Variants in KIF21B observed in about 807,000 individuals in gnomAD.
KIF21B encodes kinesin-like protein KIF21B.
In KIF21B, 85 loss-of-function variants were observed where a neutral mutation model predicts 192.9. That is an observed-to-expected ratio of 0.44 (90% CI 0.37 to 0.53). The LOEUF is 0.53. Among genes scored for constraint, KIF21B ranks in the 20% least tolerant of loss-of-function variants. The pLI, the probability that KIF21B is intolerant of heterozygous loss-of-function variation, is 0.00. For missense variants in KIF21B, 1,716 were observed against 2,194.8 expected, an observed-to-expected ratio of 0.78 and a Z score of 4.36; for synonymous variants, 832 against 884.6, an observed-to-expected ratio of 0.94 and a Z score of 1.05.
intron 24 of KIF21B, 31 bp downstream of exon 24, chr1:200,988,265 C>T (rs769754369): frequency 3.1e-6 from 5 of 1,604,782 alleles, no homozygotes; most frequent in South Asian, 1.1e-5. Context: ...GGCCCTGCTG[C>T]ACCCACTGCC....
chr1:201,005,017 G>A, intron 5 of KIF21B, 84 bp from the exon 6 acceptor site: 2 of 1,468,832 alleles, frequency 1.4e-6, no homozygotes, highest in Non-Finnish European at 1.9e-6. Context: ...TCCGGGAGAG[G>A]CACGGTGGAC....
chr1:201,004,820 C>T lies in KIF21B; in HGVS notation c.846G>A (p.Arg282=), dbSNP rs140945427. 1.2e-6 allele frequency: 2 copies of T among 1,614,026 alleles called. No homozygotes were observed. Among genetic ancestry groups the T allele is most frequent in the African/African-American group, 1.3e-5 (1 of 74,926 alleles). The part of the protein sequence containing the change: ...VDLAGSERLK[R]TGATGERAKE... ...TGGCCCGCTCGCCAGTAGCCCCTGT[C>T]CGCTTCAGCCGCTCTGAGCCGGCCA... Residue 282 remains arginine, a synonymous_variant, in exon 6 of 35, where the codon CGG becomes CGA. Transcript: ENST00000461742.
In KIF21B at chr1:201,017,517, C is replaced by G. The variant is rs774387592; in HGVS notation, c.41+5826G>C. Among the ~76,000 whole-genome samples the G allele has an allele frequency of 5.9e-5, 9 of 152,340 alleles. 1 individual carries two copies. In the South Asian group the frequency reaches 1.9e-3, roughly 32 times the overall value. On this transcript the variant is annotated intron_variant, in intron 1 of 34. Transcript: ENST00000461742. This position sits in a 1 kb window ranked among gnomAD's most constrained non-coding sequence, Gnocchi z 4.1. Reference sequence around the variant, plus strand: ...CCATGACCTCCCCAGAGACAGGAGACGCTGCAGAGTCAGGCTTCGCCCAGA... The same window carrying G: ...CCATGACCTCCCCAGAGACAGGAGAGGCTGCAGAGTCAGGCTTCGCCCAGA...
chr1:201,005,915 G>T (rs1657792811), intron 3 of KIF21B, among the ~76,000 whole-genome samples: 1 of 152,046 alleles, frequency 6.6e-6, no homozygotes, highest in Non-Finnish European at 1.5e-5. Context: ...CATTCCCTAA[G>T]GAACCAGCAG....
chr1:201,004,646 T>C (rs1300201336), intron 6 of KIF21B, 120 bp downstream of exon 6: 3 of 1,329,280 alleles, frequency 2.3e-6, no homozygotes, highest in South Asian at 1.2e-5. Flanking sequence ...CGCCTGAGAG[T>C]GAAGGGCTAA....
intron 8 of KIF21B, 39 bp downstream of exon 8, chr1:201,003,544 GCTC>G (rs757000141): frequency 1.9e-6 from 3 of 1,601,914 alleles, no homozygotes; most frequent in Non-Finnish European, 2.6e-6. Context: ...TGGAGCACTA[GCTC>G]CAAGGGGAGT....
At chr1:200,974,635 C>G in intron 34 of KIF21B, 79 bp downstream of exon 34, 1 of 1,480,282 alleles carries the variant, frequency 6.8e-7, no homozygotes. Context: ...ACTGCAGGGC[C>G]CTGAGCCTCC....
At chr1:200,977,641 A>C (rs1655645474) in intron 30 of KIF21B, among the ~76,000 whole-genome samples, 1 of 151,648 alleles carries the variant, frequency 6.6e-6, no homozygotes, top group South Asian at 2.1e-4. Flanking sequence ...CAGTCATGAG[A>C]GTGGGTGTGA....
At position 200,975,822 on chromosome 1, in the gene KIF21B, T is replaced by C. The variant is rs527817612; in HGVS notation, c.4444-153A>G. Among the ~76,000 whole-genome samples the C allele has an allele frequency of 6.6e-6, 1 of 151,870 alleles. No individual in the cohort carries two copies. Among genetic ancestry groups the C allele is most frequent in the African/African-American group, 2.4e-5 (1 of 41,398 alleles). Reference sequence around the variant, plus strand: ...AGAGGAGCTTCCCAGCAGGCGAGGGTTCCTGGAGGTGGGGCTGCTCCTTCT... The same window carrying C: ...AGAGGAGCTTCCCAGCAGGCGAGGGCTCCTGGAGGTGGGGCTGCTCCTTCT... On this transcript the variant is annotated intron_variant, in intron 32 of 34. Coordinates refer to ENST00000461742, the MANE Select transcript of KIF21B (RefSeq NM_001252102.2). This position sits in a 1 kb window ranked among gnomAD's most constrained non-coding sequence, Gnocchi z 4.3.
In KIF21B at chr1:200,999,744, T is replaced by A; in HGVS notation, c.1767+139A>T. 1.1e-6 allele frequency: 1 copy of A among 927,808 alleles called. No individual in the cohort carries two copies. Among genetic ancestry groups the A allele is most frequent in the Non-Finnish European group, 1.7e-6 (1 of 584,888 alleles). The allele number at this position is 927,808 out of a possible 1,614,324, so 57.5% of individuals were successfully genotyped here. ...TCACCATGGTAACCAGTCAGAGATA[T>A]AAGGAAGTACAAGGATCAACTGGAT... On this transcript the variant is annotated intron_variant, in intron 12 of 34. Coordinates refer to ENST00000461742, the MANE Select transcript of KIF21B (RefSeq NM_001252102.2). The surrounding 1 kb of genome is among the most constrained non-coding windows in gnomAD (Gnocchi z 4.7).
Position 200,988,798 on chromosome 1 carries a change from T to C in KIF21B, c.3266A>G (p.Glu1089Gly). 6.2e-7 allele frequency: 1 copy of C among 1,613,866 alleles called. No homozygotes were observed. The highest frequency in any genetic ancestry group is 8.5e-7 in the Non-Finnish European group (1 of 1,179,864). ...CACATTGTAGATGAGGGCCTGCAGC[T>C]CGGGGTGAGCTTCAGCCTTCTCACG... ...ALREKAEAHP[E>G]LQALIYNVQQ... The change falls in exon 22 of 35, where the codon GAG becomes GGG. Residue 1089 changes from glutamate to glycine, a missense_variant. By Grantham distance (98) the Glu-to-Gly change is moderately conservative (BLOSUM62 -2). Coordinates refer to ENST00000461742, the MANE Select transcript of KIF21B (RefSeq NM_001252102.2).
At position 200,998,426 on chromosome 1, in the gene KIF21B, G is replaced by A. The variant is rs1210316283; in HGVS notation, c.2035C>T (p.Arg679Ter). 6.2e-7 allele frequency: 1 copy of A among 1,613,996 alleles called. No homozygotes were observed. Among genetic ancestry groups the A allele is most frequent in the Non-Finnish European group, 8.5e-7 (1 of 1,180,022 alleles). The change falls in exon 14 of 35, where the codon CGA becomes TGA. Residue 679 changes from arginine (R) to a stop codon, truncating the protein, a stop_gained. Coordinates refer to ENST00000461742, the MANE Select transcript of KIF21B (RefSeq NM_001252102.2). LOFTEE classifies it high-confidence loss of function. The surrounding 1 kb of genome is among the most constrained non-coding windows in gnomAD (Gnocchi z 4.3). ...CGGTCGCGCTCCAGCTGTGTGTCTCGGATCTTGTTCTGCAGCAGAATCAGC... is the reference window on the plus strand; with the variant it reads ...CGGTCGCGCTCCAGCTGTGTGTCTCAGATCTTGTTCTGCAGCAGAATCAGC... ...EKLILLQNKI[R>*]DTQLERDRVL...
intron 1 of KIF21B, among the ~76,000 whole-genome samples, chr1:201,014,835 C>A (rs905369024): frequency 6.6e-6 from 1 of 152,244 alleles, no homozygotes; most frequent in Non-Finnish European, 1.5e-5. Context: ...TTCTCACTGA[C>A]GAGAGGTCAC....
At chr1:201,019,616 G>A (rs1352174389) in intron 1 of KIF21B, among the ~76,000 whole-genome samples, 1 of 152,176 alleles carries the variant, frequency 6.6e-6, no homozygotes, top group Non-Finnish European at 1.5e-5. Flanking sequence ...GGCAGGCTGG[G>A]TGGTGGAGGG....
Position 200,981,089 on chromosome 1 carries a change from T to A in KIF21B, c.3850A>T (p.Ile1284Phe). ...CCCTTGGCTCCTCCAACCGGGGAGATGATGCCCCTTCCCGGGAGAGAGGGA... is the reference window on the plus strand; with the variant it reads ...CCCTTGGCTCCTCCAACCGGGGAGAAGATGCCCCTTCCCGGGAGAGAGGGA... ...SSLSEVLRGI[I>F]SPVGGAKGAR... is the part of the protein sequence containing the mutation. The change falls in exon 29 of 35, where the codon ATC becomes TTC. Residue 1284 changes from isoleucine to phenylalanine, a missense_variant. Around this residue, in one of 3 missense-constraint regions of KIF21B, gnomAD observed 580 missense variants for 775.5 expected, o/e 0.75. Coordinates refer to ENST00000461742, the MANE Select transcript of KIF21B (RefSeq NM_001252102.2). The A allele has an allele frequency of 6.3e-7, 1 of 1,589,914 alleles. No homozygotes were observed. Among genetic ancestry groups the A allele is most frequent in the Non-Finnish European group, 8.5e-7 (1 of 1,172,382 alleles).
chr1:200,990,605 G>T lies in KIF21B; in HGVS notation c.2806C>A (p.Leu936Met). 6.2e-7 allele frequency: 1 copy of T among 1,614,148 alleles called. No homozygotes were observed. The highest frequency in any genetic ancestry group is 8.5e-7 in the Non-Finnish European group (1 of 1,180,032). ...ATGAGCCGCTCCATGTCAGCCTCCA[G>T]GTTGACAATGGTCATTCTCTGCATG... ...IVMQRMTIVN[L>M]EADMERLIKK... The change falls in exon 19 of 35, where the codon CTG (leucine) becomes ATG (methionine). Residue 936 changes from leucine (L) to methionine (M), a missense_variant. Around this residue, in one of 3 missense-constraint regions of KIF21B, gnomAD observed 1,087 missense variants for 1,316.6 expected, o/e 0.83. Transcript: ENST00000461742. This position sits in a 1 kb window ranked among gnomAD's most constrained non-coding sequence, Gnocchi z 5.4.
chr1:200,977,478 C>A, intron 30 of KIF21B, 102 bp from the exon 31 acceptor site: 3 of 1,388,730 alleles, frequency 2.2e-6, no homozygotes, highest in Middle Eastern at 1.8e-4. Flanking sequence ...TAACCTACTT[C>A]TTCCAGGAAG....
Position 201,009,151 on chromosome 1 carries a change from A to G in KIF21B, c.264+115T>C, listed in dbSNP as rs1658090205. ...CAGCGGTGCAACGGCCTCCTTAGAC[A>G]ATAGACAAAACCCTGAGGCTATGTT... On this transcript the variant is annotated intron_variant, in intron 2 of 34. Transcript: ENST00000461742. 10 of 1,189,682 alleles carry G rather than the reference A, an allele frequency of 8.4e-6. No individual in the cohort carries two copies. The South Asian group carries it at 1.3e-4, about 16-fold the overall frequency. 73.7% of individuals were successfully genotyped at this position (1,189,682 alleles called of 1,614,324 possible). A position where few individuals can be genotyped will look rare whatever the true frequency, so the allele number is the denominator to read the frequency against.
chr1:201,017,036 C>G lies in KIF21B; in HGVS notation c.41+6307G>C, dbSNP rs1242683655. 6.6e-6 allele frequency among the ~76,000 whole-genome samples: 1 copy of G among 152,086 alleles called. No homozygotes were observed. The highest frequency in any genetic ancestry group is 1.9e-4 in the East Asian group (1 of 5,184). Reference sequence around the variant, plus strand: ...TGGGGTTCAGGACTCTGACCCCACCCCCTCCTCTTGAGTGTCCTTGACCTT... The same window carrying G: ...TGGGGTTCAGGACTCTGACCCCACCGCCTCCTCTTGAGTGTCCTTGACCTT... On this transcript the variant is annotated intron_variant, in intron 1 of 34. Coordinates refer to ENST00000461742, the MANE Select transcript of KIF21B (RefSeq NM_001252102.2). The surrounding 1 kb of genome is among the most constrained non-coding windows in gnomAD (Gnocchi z 4.1).
Sources: gnomAD v4.1 joint callset for allele counts (sites outside exome capture counted in the v4.1 genomes callset) on GRCh38, gnomAD v4.1.1 for gene constraint, gnomAD v4.1.1 regional missense constraint, Gnocchi (gnomAD v3.1) non-coding constraint, MANE v1.5 for transcripts, NCBI Gene and HGNC (gene_info 2026-07-23, HGNC 2026-07-21) for gene names.